PRSS23: variants seen among roughly 807,000 people sequenced by gnomAD.
PRSS23 encodes the protein protease, serine 23.
Under a neutral mutation model 34.7 loss-of-function variants are expected in PRSS23, and 25 were observed. That is an observed-to-expected ratio of 0.72 (90% confidence interval 0.53 to 1.01). PRSS23 has a LOEUF of 1.01. PRSS23 is among the 50% of genes least tolerant of loss of function. The probability of loss-of-function intolerance (pLI) is 0.00; values close to 1 mark genes in which losing one functional copy is unlikely to be tolerated. For synonymous variants in PRSS23, 176 were observed against 186.6 expected (o/e 0.94, Z 0.46); for missense variants, 445 against 475.6 (o/e 0.94, Z 0.60).
At chr11:86,863,999 CAT>C (rs1375622487) in intron 2 of PRSS23, among the ~76,000 whole-genome samples, 1 of 152,202 alleles carries the variant, frequency 6.6e-6, no homozygotes, top group Non-Finnish European at 1.5e-5. Context: ...AATGTGTAAT[CAT>C]ATAATAATCA....
At chr11:86,820,784 G>A (rs1007683613) in intron 1 of PRSS23, among the ~76,000 whole-genome samples, 21 of 152,188 alleles carry the variant, frequency 1.4e-4, no homozygotes, top group African/African-American at 5.1e-4. Flanking sequence ...TAAAGGGCTT[G>A]TGTGAAACCT....
At chr11:86,922,763 G>T (rs1356515919) in intron 2 of PRSS23, among the ~76,000 whole-genome samples, 2 of 152,168 alleles carry the variant, frequency 1.3e-5, no homozygotes, top group African/African-American at 2.4e-5. Context: ...TATAATTTGT[G>T]CTTTCCAGAG....
intron 2 of PRSS23, among the ~76,000 whole-genome samples, chr11:86,939,651 G>A (rs1303407144): frequency 6.6e-6 from 1 of 151,266 alleles, no homozygotes; most frequent in African/African-American, 2.4e-5. Context: ...ATTTATTTCT[G>A]AAGGAGGATG....
chr11:86,939,515 TATC>T (rs1445907801), intron 2 of PRSS23, among the ~76,000 whole-genome samples: 1 of 149,854 alleles, frequency 6.7e-6, no homozygotes, highest in Non-Finnish European at 1.5e-5. Flanking sequence ...TACCTGCAAA[TATC>T]ATGAGTCTTA....
upstream of PRSS23, among the ~76,000 whole-genome samples, chr11:86,798,371 A>C (rs1947995415): frequency 6.6e-6 from 1 of 152,236 alleles, no homozygotes. Flanking sequence ...GAAACAGCAC[A>C]AATACCTAAA....
At chr11:86,817,406 G>A (rs1948221871) in intron 1 of PRSS23, among the ~76,000 whole-genome samples, 1 of 152,176 alleles carries the variant, frequency 6.6e-6, no homozygotes, top group Non-Finnish European at 1.5e-5. Flanking sequence ...GAGCAATTCT[G>A]TGACTGCAGA....
chr11:86,952,701 C>T (rs984827562), exon 3 of PRSS23: 15 of 462,634 alleles, frequency 3.2e-5, no homozygotes, highest in African/African-American at 2.9e-4. Flanking sequence ...GAAGAATGTA[C>T]ATAAATAAAT....
At position 86,832,219 on chromosome 11, in the gene PRSS23, G is replaced by A. The variant is rs148323464; in HGVS notation, c.206+8626G>A. The stretch of plus-strand genomic sequence containing the variant: ...GATATAATTCCTAATATCACAGTGG[G>A]TGTACCACATGTGTGAACACCCTTG... On this transcript the variant is annotated intron_variant, in intron 2 of 2. Transcript: ENST00000533902. Among the ~76,000 whole-genome samples, 151 of 152,126 alleles carry A rather than the reference G, an allele frequency of 9.9e-4. 1 individual carries two copies. The highest frequency in any genetic ancestry group is 3.6e-3 in the African/African-American group (150 of 41,494).
chr11:86,841,545 A>G (rs1389858162), intron 2 of PRSS23, among the ~76,000 whole-genome samples: 1 of 152,150 alleles, frequency 6.6e-6, no homozygotes, highest in East Asian at 1.9e-4. Flanking sequence ...TAGCAAGACT[A>G]ATAAAGAAGA....
upstream of PRSS23, among the ~76,000 whole-genome samples, chr11:86,799,741 T>C (rs3809048): frequency 0.12 from 17,501 of 150,404 alleles, 1,386 homozygotes; most frequent in East Asian, 0.41. Flanking sequence ...CTTGGAGTGA[T>C]TCAGGGAAGT....
chr11:86,942,850 C>T (rs1297968532), intron 2 of PRSS23, among the ~76,000 whole-genome samples: 5 of 152,184 alleles, frequency 3.3e-5, no homozygotes, highest in Admixed American at 2.6e-4. Context: ...CCCAGTCCTA[C>T]GGTACCAGCT....
At chr11:86,906,553 G>C (rs571988205) in intron 2 of PRSS23, among the ~76,000 whole-genome samples, 1 of 152,204 alleles carries the variant, frequency 6.6e-6, no homozygotes, top group Non-Finnish European at 1.5e-5. Context: ...AAGATTTCAA[G>C]GAGTTGTGCC....
At chr11:86,879,565 C>T (rs542746435) in intron 2 of PRSS23, among the ~76,000 whole-genome samples, 2 of 140,278 alleles carry the variant, frequency 1.4e-5, no homozygotes, top group African/African-American at 5.2e-5. Flanking sequence ...CAGCCCCCCG[C>T]CCGGCCAGCC....
intron 2 of PRSS23, among the ~76,000 whole-genome samples, chr11:86,943,338 G>C (rs896390219): frequency 6.6e-5 from 10 of 152,250 alleles, no homozygotes; most frequent in Non-Finnish European, 1.3e-4. Context: ...AAAGAAATCA[G>C]AGGAGGCTGG....
intron 2 of PRSS23, chr11:86,939,067 A>G: frequency 6.7e-6 from 3 of 448,804 alleles, no homozygotes; most frequent in South Asian, 4.7e-5. Context: ...GTTTAGCCCT[A>G]GGAGGTGGGC....
At chr11:86,827,488 T>G (rs1354715617) in intron 2 of PRSS23, among the ~76,000 whole-genome samples, 1 of 152,246 alleles carries the variant, frequency 6.6e-6, no homozygotes, top group Non-Finnish European at 1.5e-5. Flanking sequence ...TGTGTCTCTA[T>G]TTCCTTCAAT....
chr11:86,930,819 G>A (rs2226756), intron 2 of PRSS23, among the ~76,000 whole-genome samples: 3 of 149,820 alleles, frequency 2.0e-5, no homozygotes, highest in South Asian at 4.4e-4. Flanking sequence ...CGGCTGACCA[G>A]AAAAAGGGAC....
chr11:86,947,600 A>C (rs1359921267), intron 2 of PRSS23: 3 of 152,274 alleles, frequency 2.0e-5, no homozygotes, highest in Non-Finnish European at 4.4e-5. Context: ...TGAAATTAAA[A>C]AAATGTCACC....
intron 2 of PRSS23, among the ~76,000 whole-genome samples, chr11:86,889,170 T>A (rs192866400): frequency 1.3e-5 from 2 of 152,296 alleles, no homozygotes; most frequent in African/African-American, 4.8e-5. Context: ...ACCTGGTATG[T>A]AGAGCAGGCA....
Sources: gnomAD v4.1 joint callset for allele counts (sites outside exome capture counted in the v4.1 genomes callset) on GRCh38, gnomAD v4.1.1 for gene constraint, MANE v1.5 for transcripts, NCBI Gene and HGNC (gene_info 2026-07-23, HGNC 2026-07-21) for gene names.